Variants in SRBD1 observed in about 807,000 individuals in gnomAD.
SRBD1 encodes S1 RNA binding domain 1.
In SRBD1, 88 loss-of-function variants were observed where a neutral mutation model predicts 115.3. That is an observed-to-expected ratio of 0.76 (90% CI 0.64 to 0.91). SRBD1 has a LOEUF of 0.91. SRBD1 is among the 40% of genes least tolerant of loss of function. The probability of loss-of-function intolerance (pLI) is 0.00; values close to 1 mark genes in which losing one functional copy is unlikely to be tolerated. For synonymous variants in SRBD1, 509 were observed against 407.7 expected, an observed-to-expected ratio of 1.25 and a Z score of -2.99; for missense variants, 1,385 against 1,177.4, an observed-to-expected ratio of 1.18 and a Z score of -2.58.
At chr2:45,598,763 T>C (rs1467257488) in intron 4 of SRBD1, among the ~76,000 whole-genome samples, 1 of 151,022 alleles carries the variant, frequency 6.6e-6, no homozygotes, top group Non-Finnish European at 1.5e-5. Flanking sequence ...AGGGAAAGAG[T>C]ACACAATAGA....
intron 14 of SRBD1, among the ~76,000 whole-genome samples, chr2:45,545,549 AC>A (rs1418973281): frequency 6.6e-6 from 1 of 152,204 alleles, no homozygotes; most frequent in African/African-American, 2.4e-5. Flanking sequence ...CAGAGAAGGT[AC>A]CTGAAATAAA....
At chr2:45,521,384 C>T (rs1180135730) in intron 14 of SRBD1, among the ~76,000 whole-genome samples, 2 of 150,110 alleles carry the variant, frequency 1.3e-5, no homozygotes, top group Non-Finnish European at 3.0e-5. Context: ...ATACAAATAG[C>T]CAATAAGCAC....
chr2:45,546,034 T>A, intron 14 of SRBD1: 1 of 446,066 alleles, frequency 2.2e-6, no homozygotes, highest in Non-Finnish European at 3.0e-6. Context: ...ATATCAGCCA[T>A]TATAACTACT....
At chr2:45,477,800 C>G (rs1428230463) in intron 15 of SRBD1, among the ~76,000 whole-genome samples, 3 of 152,150 alleles carry the variant, frequency 2.0e-5, no homozygotes, top group African/African-American at 7.2e-5. Context: ...CAAGATTGCC[C>G]TGGCAAGTGA....
chr2:45,599,646 T>C lies in SRBD1; in HGVS notation c.451A>G (p.Ser151Gly). 2 of 1,614,226 alleles carry C rather than the reference T, an allele frequency of 1.2e-6. No individual in the cohort carries two copies. Among genetic ancestry groups the C allele is most frequent in the South Asian group, 2.2e-5 (2 of 91,086 alleles). Residue 151 changes from serine (S) to glycine (G), a missense_variant, in exon 4 of 21, where the codon AGT (serine) becomes GGT (glycine). Ser to Gly is a moderately conservative substitution (Grantham distance 56). Transcript: ENST00000263736. ...GTGCTTGTGGATGGTGTCTCTGAAC[T>C]ATTACTCTCACCCTCTAAGTTGCTG... The part of the protein sequence containing the change: ...KASNLEGESN[S>G]SETPSTSTVW...
intron 19 of SRBD1, among the ~76,000 whole-genome samples, chr2:45,400,568 G>A (rs1459057952): frequency 5.3e-5 from 8 of 151,894 alleles, no homozygotes; most frequent in African/African-American, 1.9e-4. Context: ...CAGATCACAT[G>A]AAAAAACAAC....
intron 15 of SRBD1, among the ~76,000 whole-genome samples, chr2:45,481,078 C>T (rs1332798512): frequency 1.3e-5 from 2 of 152,178 alleles, no homozygotes; most frequent in Non-Finnish European, 2.9e-5. Flanking sequence ...CTGTGAACTG[C>T]TGAAGGCTCA....
intron 16 of SRBD1, among the ~76,000 whole-genome samples, chr2:45,453,913 A>C (rs1037012777): frequency 5.3e-5 from 8 of 151,986 alleles, no homozygotes; most frequent in African/African-American, 1.9e-4. Context: ...AAATGTGGCA[A>C]TTCGTCCACT....
intron 12 of SRBD1, among the ~76,000 whole-genome samples, chr2:45,548,618 C>T (rs1672193793): frequency 6.6e-6 from 1 of 151,172 alleles, no homozygotes; most frequent in Non-Finnish European, 1.5e-5. Context: ...TTCCATTAAT[C>T]TAAGGAAAGT....
At position 45,550,326 on chromosome 2, in the gene SRBD1, A is replaced by C. The variant is rs551915643; in HGVS notation, c.1675+799T>G. On this transcript the variant is annotated intron_variant, in intron 12 of 20. Transcript: ENST00000263736. Reference sequence around the variant, plus strand: ...CTAAGTGGAATTCATGCAGAAAAGAAAAGACAAGAAAACCCATACATACAC... The same window carrying C: ...CTAAGTGGAATTCATGCAGAAAAGACAAGACAAGAAAACCCATACATACAC... 1.5e-3 allele frequency among the ~76,000 whole-genome samples: 231 copies of C among 152,244 alleles called. 1 individual carries two copies. The highest frequency in any genetic ancestry group is 5.3e-3 in the African/African-American group (220 of 41,566).
chr2:45,499,105 T>C (rs1428201765), intron 14 of SRBD1, among the ~76,000 whole-genome samples: 1 of 152,172 alleles, frequency 6.6e-6, no homozygotes, highest in Non-Finnish European at 1.5e-5. Context: ...CTACCTTACC[T>C]TCCCACCAAC....
At chr2:45,441,797 T>C (rs898688935) in intron 16 of SRBD1, among the ~76,000 whole-genome samples, 2 of 152,204 alleles carry the variant, frequency 1.3e-5, no homozygotes, top group African/African-American at 4.8e-5. Flanking sequence ...ATAGAAACGC[T>C]TTCTTAGCAG....
intron 14 of SRBD1, among the ~76,000 whole-genome samples, chr2:45,504,693 G>A (rs1353087358): frequency 6.6e-6 from 1 of 152,016 alleles, no homozygotes; most frequent in African/African-American, 2.4e-5. Flanking sequence ...CACTTTTTCT[G>A]TCCTTTATTA....
intron 14 of SRBD1, among the ~76,000 whole-genome samples, chr2:45,509,410 C>T (rs1670894434): frequency 6.6e-6 from 1 of 152,064 alleles, no homozygotes; most frequent in Admixed American, 6.5e-5. Context: ...TCCTGGCTAA[C>T]ACAGTGAAAC....
At chr2:45,531,696 G>C (rs17033798) in intron 14 of SRBD1, among the ~76,000 whole-genome samples, 15,086 of 136,790 alleles carry the variant, frequency 0.11, 1,155 homozygotes, top group African/African-American at 0.23. Flanking sequence ...GCTGTAAGAA[G>C]TTCTACCCCA....
At chr2:45,389,822 T>C (rs1666948570) in intron 20 of SRBD1, among the ~76,000 whole-genome samples, 1 of 152,170 alleles carries the variant, frequency 6.6e-6, no homozygotes, top group Non-Finnish European at 1.5e-5. Context: ...ATTTACTTCC[T>C]TCTACAATGC....
rs562479752 is a variant in SRBD1, at chr2:45,585,101, G to C, written c.815+507C>G. Among the ~76,000 whole-genome samples the C allele has an allele frequency of 5.2e-4, 79 of 151,636 alleles. 1 individual carries two copies. The South Asian group carries it at 0.015, about 30-fold the overall frequency. On this transcript the variant is annotated intron_variant, in intron 5 of 20. Transcript: ENST00000263736. ...GGATACAGAGATTGTAGTGAGCTGA[G>C]ATTGCACCACTGCACTTCAGCCCAG... is the stretch of plus-strand genomic sequence containing the variant.
rs529319466 is a variant in SRBD1, at chr2:45,431,700, G to A, written c.2050-11806C>T. 7.0e-4 allele frequency among the ~76,000 whole-genome samples: 107 copies of A among 152,070 alleles called. 1 individual carries two copies. The highest frequency in any genetic ancestry group is 1.1e-3 in the African/African-American group (45 of 41,480). ...TGGATGATGGGTTGATGGGTGCAGC[G>A]AACCACTATGGCACGTGTATACCTA... On this transcript the variant is annotated intron_variant, in intron 16 of 20. Coordinates refer to ENST00000263736, the MANE Select transcript of SRBD1 (RefSeq NM_018079.5).
intron 16 of SRBD1, among the ~76,000 whole-genome samples, chr2:45,455,106 A>C (rs1669113031): frequency 6.6e-6 from 1 of 151,920 alleles, no homozygotes; most frequent in Non-Finnish European, 1.5e-5. Context: ...TTTTTCTAAG[A>C]TATTCATTTT....
Sources: allele counts gnomAD v4.1 joint callset (sites outside exome capture counted in the v4.1 genomes callset), GRCh38; gene constraint gnomAD v4.1.1; transcripts MANE v1.5; gene names NCBI Gene and HGNC (gene_info 2026-07-23, HGNC 2026-07-21).